Variants in SDR42E2 observed in about 807,000 individuals in gnomAD.
SDR42E2 encodes putative short-chain dehydrogenase/reductase family 42E member 2.
Under a neutral mutation model 10.5 loss-of-function variants are expected in SDR42E2, and 20 were observed. That is an observed-to-expected ratio of 1.90 (90% CI 1.34 to 2.77). SDR42E2 has a LOEUF of 2.77. SDR42E2 is among the 30% of genes most tolerant of loss of function. The pLI, the probability that SDR42E2 is intolerant of heterozygous loss-of-function variation, is 0.00. For synonymous variants in SDR42E2, 72 were observed against 39.2 expected, an observed-to-expected ratio of 1.84 and a Z score of -3.12; for missense variants, 162 against 104.2, an observed-to-expected ratio of 1.55 and a Z score of -2.42.
At chr16:22,187,601 C>CA (rs2046744681) in intron 12 of SDR42E2, among the ~76,000 whole-genome samples, 6 of 141,298 alleles carry the variant, frequency 4.2e-5, no homozygotes, top group African/African-American at 1.7e-4. Context: ...CCCCTAAAAA[C>CA]CAAAAAAAAA....
intron 2 of SDR42E2, among the ~76,000 whole-genome samples, chr16:22,165,935 T>A (rs1205081523): frequency 6.7e-6 from 1 of 150,286 alleles, no homozygotes; most frequent in Non-Finnish European, 1.5e-5. Context: ...GCTGGGTCCG[T>A]ACCTGGGCCA....
chr16:22,189,833 G>A (rs981434536), intron 12 of SDR42E2, among the ~76,000 whole-genome samples: 16 of 152,302 alleles, frequency 1.1e-4, no homozygotes, highest in African/African-American at 3.8e-4. Flanking sequence ...AGGCCGGGAA[G>A]ATGAGTGTAG....
chr16:22,163,334 G>A (rs1039205730), intron 1 of SDR42E2, among the ~76,000 whole-genome samples: 3 of 152,068 alleles, frequency 2.0e-5, no homozygotes, highest in Non-Finnish European at 4.4e-5. Flanking sequence ...AGGAGGGCTC[G>A]CTGTGGGGCT....
rs2046696748 is a variant in SDR42E2 at position 22,181,657 on chromosome 16, G to A, written c.810+1G>A. On this transcript the variant is annotated splice_donor_variant, in intron 9 of 12. Coordinates refer to ENST00000602312, the MANE Select transcript of SDR42E2 (RefSeq NM_001394319.2). LOFTEE classifies it high-confidence loss of function. ...CACCACGGCCAAGGGCTACGTGGCT[G>A]TGAGTCCCCTCTGATGCCCCCAACC... 2 of 702,604 alleles carry A rather than the reference G, an allele frequency of 2.8e-6. No homozygotes were observed. The highest frequency in any genetic ancestry group is 5.2e-6 in the Non-Finnish European group (2 of 384,884). The allele number at this position is 702,604 out of a possible 1,614,324, so 43.5% of individuals were successfully genotyped here.
intron 12 of SDR42E2, among the ~76,000 whole-genome samples, chr16:22,188,898 G>A (rs8063530): frequency 0.028 from 4,244 of 152,236 alleles, 97 homozygotes; most frequent in Middle Eastern, 0.044. Context: ...TTGCCCTTAG[G>A]GAGCTCCTAG....
chr16:22,170,787 ATGTG>A, intron 5 of SDR42E2, 42 bp from the exon 6 acceptor site: 1 of 701,306 alleles, frequency 1.4e-6, no homozygotes, highest in Non-Finnish European at 2.6e-6. Flanking sequence ...GTGTCTTTGC[ATGTG>A]TGTGTGTGTT....
chr16:22,191,641 A>G lies in SDR42E2; in HGVS notation c.*1248A>G, dbSNP rs1204156577. On this transcript the variant is annotated 3_prime_UTR_variant, in exon 13 of 13. Coordinates refer to ENST00000602312, the MANE Select transcript of SDR42E2 (RefSeq NM_001394319.2). Reference sequence around the variant, plus strand: ...TGGGTTCCTGTCTGAGGATGACAGCATAGTAAGCACAGGTTTTAGTACCAG... The same window carrying G: ...TGGGTTCCTGTCTGAGGATGACAGCGTAGTAAGCACAGGTTTTAGTACCAG... 6 of 152,096 alleles carry G rather than the reference A, an allele frequency of 3.9e-5. 1 individual carries two copies. The highest frequency in any genetic ancestry group is 8.8e-5 in the Non-Finnish European group (6 of 68,018). 9.4% of individuals were successfully genotyped at this position (152,096 alleles called of 1,614,324 possible).
rs80166219 is a variant in SDR42E2, at chr16:22,169,519, G to A, written c.394+17G>A. On this transcript the variant is annotated intron_variant, in intron 5 of 12. Transcript: ENST00000602312. ...TGATTGATGGTAGGTGCTCAGAGCC[G>A]GGTATGACCTGCTGTGCCTCTCCCC... 368 of 703,436 alleles carry A rather than the reference G, an allele frequency of 5.2e-4. 4 individuals are homozygous for A. In the East Asian group the frequency reaches 9.4e-3, roughly 18 times the overall value. The allele number at this position is 703,436 out of a possible 1,614,324, so 43.6% of individuals were successfully genotyped here. A position where few individuals can be genotyped will look rare whatever the true frequency, so the allele number is the denominator to read the frequency against.
intron 11 of SDR42E2, among the ~76,000 whole-genome samples, chr16:22,184,812 A>G (rs1346248749): frequency 1.3e-5 from 2 of 152,058 alleles, no homozygotes; most frequent in African/African-American, 4.8e-5. Flanking sequence ...CAAGGCAGCT[A>G]TGATGGGCCC....
Position 22,184,205 on chromosome 16 carries a change from C to T in SDR42E2, c.901C>T (p.Pro301Ser). The change falls in exon 11 of 13, where the codon CCC (proline) becomes TCC (serine). Residue 301 changes from proline to serine, a missense_variant. Coordinates refer to ENST00000602312, the MANE Select transcript of SDR42E2 (RefSeq NM_001394319.2). ...GTTTGAGAAGCTGGGGTACAGCCAGCCCTGGATCCAGGTGCCTACTTCCTG... is the reference window on the plus strand; with the variant it reads ...GTTTGAGAAGCTGGGGTACAGCCAGTCCTGGATCCAGGTGCCTACTTCCTG... ...PLFEKLGYSQ[P>S]WIQVPTSWVY... 1 of 401,450 alleles carries T rather than the reference C, an allele frequency of 2.5e-6. No homozygotes were observed. The highest frequency in any genetic ancestry group is 4.4e-5 in the Admixed American group (1 of 22,736). 24.9% of individuals were successfully genotyped at this position (401,450 alleles called of 1,614,324 possible). A position where few individuals can be genotyped will look rare whatever the true frequency, so the allele number is the denominator to read the frequency against.
intron 6 of SDR42E2, among the ~76,000 whole-genome samples, chr16:22,172,012 C>A (rs2046605481): frequency 6.6e-6 from 1 of 152,200 alleles, no homozygotes; most frequent in Non-Finnish European, 1.5e-5. Flanking sequence ...TGGCAGGAGC[C>A]TCCCTGAGTC....
intron 7 of SDR42E2, 149 bp from the exon 8 acceptor site, chr16:22,177,981 A>G (rs1346784597): frequency 3.4e-6 from 2 of 580,604 alleles, no homozygotes; most frequent in Non-Finnish European, 6.2e-6. Context: ...ACTGACTAAG[A>G]GAATAATAAA....
chr16:22,187,989 G>A (rs13335539), intron 12 of SDR42E2, among the ~76,000 whole-genome samples: 7,254 of 151,908 alleles, frequency 0.048, 569 homozygotes, highest in African/African-American at 0.17. Context: ...CCAGCTACTC[G>A]GGATGCTGAG....
chr16:22,164,953 AT>A (rs1274899159), intron 1 of SDR42E2, among the ~76,000 whole-genome samples: 1 of 152,192 alleles, frequency 6.6e-6, no homozygotes, highest in Non-Finnish European at 1.5e-5. Context: ...TAAGTCAGGA[AT>A]GCTTAATGTC....
At position 22,190,557 on chromosome 16, in the gene SDR42E2, C is replaced by T. The variant is rs2046767359; in HGVS notation, c.*164C>T. On this transcript the variant is annotated 3_prime_UTR_variant, in exon 13 of 13. Transcript: ENST00000602312. ...CCCCCGAGCCGCTCTCCAGACCTAG[C>T]CCGGACCGCCGACTTCTGGCCACGC... is the stretch of plus-strand genomic sequence containing the variant. 2 of 399,616 alleles carry T rather than the reference C, an allele frequency of 5.0e-6. No homozygotes were observed. Among genetic ancestry groups the T allele is most frequent in the Non-Finnish European group, 8.8e-6 (2 of 226,614 alleles). The allele number at this position is 399,616 out of a possible 1,614,324, so 24.8% of individuals were successfully genotyped here.
intron 8 of SDR42E2, among the ~76,000 whole-genome samples, chr16:22,178,953 G>A (rs968294995): frequency 1.3e-5 from 2 of 152,026 alleles, no homozygotes; most frequent in South Asian, 2.1e-4. Flanking sequence ...TTGGCGGGGA[G>A]AAGTTCCAGT....
chr16:22,180,339 G>C (rs958253193), intron 8 of SDR42E2, among the ~76,000 whole-genome samples: 5 of 152,026 alleles, frequency 3.3e-5, no homozygotes, highest in African/African-American at 1.2e-4. Context: ...TTTCAAGGCA[G>C]CAGTGAGCTA....
rs1267334291 is a variant in SDR42E2, at chr16:22,163,610, G to A, written c.-37+1046G>A. ...TAGTCCCAGCTACTCGGGAGGCTGA[G>A]GGAGGAGAATTGCTTGAACAAGGCA... On this transcript the variant is annotated intron_variant, in intron 1 of 12. Coordinates refer to ENST00000602312, the MANE Select transcript of SDR42E2 (RefSeq NM_001394319.2). Among the ~76,000 whole-genome samples, 7 of 152,320 alleles carry A rather than the reference G, an allele frequency of 4.6e-5. No individual in the cohort carries two copies. In the East Asian group the frequency reaches 1.2e-3, roughly 25 times the overall value.
intron 8 of SDR42E2, 59 bp downstream of exon 8, chr16:22,178,271 C>G (rs1198013818): frequency 1.5e-6 from 1 of 681,412 alleles, no homozygotes; most frequent in Non-Finnish European, 2.7e-6. Context: ...GAGGTGTACA[C>G]TGGTCGGGCC....
Sources: allele counts gnomAD v4.1 joint callset (sites outside exome capture counted in the v4.1 genomes callset), GRCh38; gene constraint gnomAD v4.1.1; transcripts MANE v1.5; gene names NCBI Gene and HGNC (gene_info 2026-07-23, HGNC 2026-07-21).